CD96: variants seen among roughly 807,000 people sequenced by gnomAD.
CD96 encodes the protein CD96 molecule.
Under a neutral mutation model 71.3 loss-of-function variants are expected in CD96, and 70 were observed. That is an observed-to-expected ratio of 0.98 (90% CI 0.81 to 1.20). CD96 has a LOEUF of 1.20. CD96 is among the 50% of genes most tolerant of loss of function. The pLI, the probability that CD96 is intolerant of heterozygous loss-of-function variation, is 0.00. For missense variants in CD96, 742 were observed against 677.5 expected (o/e 1.10, Z -1.06); for synonymous variants, 248 against 233.0 (o/e 1.06, Z -0.59).
At chr3:111,597,031 C>A (rs1559746131) in intron 5 of CD96, among the ~76,000 whole-genome samples, 1 of 152,190 alleles carries the variant, frequency 6.6e-6, no homozygotes, top group African/African-American at 2.4e-5. Flanking sequence ...AATTTGGTTT[C>A]TCAGCTCTAT....
rs6784762 is a variant in CD96, at chr3:111,620,978, A to G, written c.1181-2776A>G. Among the ~76,000 whole-genome samples, 497 of 152,350 alleles carry G rather than the reference A, an allele frequency of 3.3e-3. 4 individuals are homozygous for G. The highest frequency in any genetic ancestry group is 0.012 in the African/African-American group (483 of 41,576). Reference sequence around the variant, plus strand: ...AGAGAACATTTAATCAGTCATTTTAATATAAATGAAATTCCCAATCAAGTT... The same window carrying G: ...AGAGAACATTTAATCAGTCATTTTAGTATAAATGAAATTCCCAATCAAGTT... On this transcript the variant is annotated intron_variant, in intron 8 of 13. Transcript: ENST00000352690.
At chr3:111,616,214 T>TA (rs1208379845) in intron 8 of CD96, among the ~76,000 whole-genome samples, 1 of 152,228 alleles carries the variant, frequency 6.6e-6, no homozygotes, top group African/African-American at 2.4e-5. Context: ...TGTCTACTGA[T>TA]ACAGCTGTAT....
intron 4 of CD96, among the ~76,000 whole-genome samples, chr3:111,584,060 A>T (rs1176463312): frequency 6.6e-6 from 1 of 152,184 alleles, no homozygotes; most frequent in African/African-American, 2.4e-5. Context: ...AGTGCCTTTA[A>T]CAGCACCCAA....
At chr3:111,567,391 C>T (rs1329944737) in intron 2 of CD96, 132 bp from the exon 3 acceptor site, 3 of 705,468 alleles carry the variant, frequency 4.3e-6, no homozygotes, top group African/African-American at 1.8e-5. Context: ...TGGGAGTTTG[C>T]CTCTCTTTTT....
intron 3 of CD96, chr3:111,577,688 T>C (rs1237716246): frequency 6.7e-6 from 5 of 745,296 alleles, no homozygotes; most frequent in African/African-American, 1.7e-5. Flanking sequence ...TAAGAGTTTC[T>C]ACTAAGTATA....
At chr3:111,630,243 T>G (rs1448483896) in intron 10 of CD96, among the ~76,000 whole-genome samples, 2 of 151,912 alleles carry the variant, frequency 1.3e-5, no homozygotes, top group Non-Finnish European at 2.9e-5. Flanking sequence ...TAAAAAAGAT[T>G]AATATGATAA....
At chr3:111,637,661 C>T (rs557409299) in intron 11 of CD96, among the ~76,000 whole-genome samples, 1 of 152,298 alleles carries the variant, frequency 6.6e-6, no homozygotes, top group East Asian at 1.9e-4. Flanking sequence ...TCAGCTGAAC[C>T]TCTCATACCA....
intron 2 of CD96, among the ~76,000 whole-genome samples, chr3:111,552,053 T>G (rs1450073904): frequency 6.6e-6 from 1 of 152,192 alleles, no homozygotes; most frequent in Admixed American, 6.5e-5. Flanking sequence ...TTATCAGTGA[T>G]GTTGAGCTTT....
intron 13 of CD96, among the ~76,000 whole-genome samples, chr3:111,647,923 A>G (rs1487989879): frequency 6.6e-6 from 1 of 152,162 alleles, no homozygotes; most frequent in Non-Finnish European, 1.5e-5. Flanking sequence ...GTCCGTGGAC[A>G]TGAAATGAGA....
At chr3:111,593,616 TCACCTTC>T (rs1370429974) in intron 5 of CD96, 3 of 1,586,956 alleles carry the variant, frequency 1.9e-6, no homozygotes, top group African/African-American at 1.3e-5. Flanking sequence ...TTCTCAGCCC[TCACCTTC>T]CACTTCATCT....
intron 8 of CD96, among the ~76,000 whole-genome samples, chr3:111,612,227 T>C (rs1035338876): frequency 6.6e-6 from 1 of 152,210 alleles, no homozygotes; most frequent in Non-Finnish European, 1.5e-5. Flanking sequence ...GGTTTAAGTT[T>C]GTTTTCCATG....
rs559491269 is a variant in CD96, at chr3:111,615,968, A to C, written c.1181-7786A>C. Reference sequence around the variant, plus strand: ...TGAAAAATTCTTCCCCCAAATATCTACATGGATCACACCCTCATCTTCTCG... The same window carrying C: ...TGAAAAATTCTTCCCCCAAATATCTCCATGGATCACACCCTCATCTTCTCG... On this transcript the variant is annotated intron_variant, in intron 8 of 13. Transcript: ENST00000352690. Among the ~76,000 whole-genome samples, 5 of 152,118 alleles carry C rather than the reference A, an allele frequency of 3.3e-5. No individual in the cohort carries two copies. The South Asian group carries it at 1.0e-3, about 32-fold the overall frequency.
At chr3:111,580,834 A>G (rs1184756005) in intron 4 of CD96, among the ~76,000 whole-genome samples, 1 of 152,158 alleles carries the variant, frequency 6.6e-6, no homozygotes, top group Non-Finnish European at 1.5e-5. Flanking sequence ...CCATTTGTTT[A>G]TTTACCAGGC....
In CD96 at chr3:111,601,019, G is replaced by GA. The variant is rs1937473844; in HGVS notation, c.1087+109dup. The GA allele has an allele frequency of 4.8e-5, 36 of 745,906 alleles. No individual in the cohort carries two copies. The South Asian group carries it at 6.1e-4, about 13-fold the overall frequency. 46.2% of individuals were successfully genotyped at this position (745,906 alleles called of 1,614,324 possible). A position where few individuals can be genotyped will look rare whatever the true frequency, so the allele number is the denominator to read the frequency against. ...TCACTTCCATAACGTTTTAATCTCA[G>GA]AAAACTTTTTATGTAACTCAAAACT... On this transcript the variant is annotated intron_variant, in intron 7 of 13. Transcript: ENST00000352690.
At chr3:111,658,179 G>A (rs889593557) in intron 14 of CD96, among the ~76,000 whole-genome samples, 2 of 152,210 alleles carry the variant, frequency 1.3e-5, no homozygotes, top group African/African-American at 4.8e-5. Context: ...GCTAGGGTAT[G>A]TCAGAAGGAT....
intron 8 of CD96, among the ~76,000 whole-genome samples, chr3:111,616,636 T>C (rs1938250805): frequency 6.6e-6 from 1 of 152,162 alleles, no homozygotes; most frequent in Non-Finnish European, 1.5e-5. Flanking sequence ...CAGACAGCCT[T>C]GGGTTCAGTT....
At chr3:111,607,147 G>T in intron 8 of CD96, 1 of 251,128 alleles carries the variant, frequency 4.0e-6, no homozygotes, top group South Asian at 5.1e-5. Flanking sequence ...TTAAAGCCCT[G>T]GGAAAATCAA....
downstream of CD96, among the ~76,000 whole-genome samples, chr3:111,656,039 GCAAAGT>G (rs1194589937): frequency 2.6e-5 from 4 of 151,792 alleles, no homozygotes; most frequent in African/African-American, 7.3e-5. Flanking sequence ...GAGAGAGAAA[GCAAAGT>G]CAAAGGACAA....
intron 5 of CD96, among the ~76,000 whole-genome samples, chr3:111,588,211 T>C (rs1936804537): frequency 6.6e-6 from 1 of 152,172 alleles, no homozygotes; most frequent in Non-Finnish European, 1.5e-5. Context: ...GCTTTGCTGC[T>C]TAGAAATTTT....
Sources: gnomAD v4.1 joint callset for allele counts (sites outside exome capture counted in the v4.1 genomes callset) on GRCh38, gnomAD v4.1.1 for gene constraint, MANE v1.5 for transcripts, NCBI Gene and HGNC (gene_info 2026-07-23, HGNC 2026-07-21) for gene names.